LRRC37A2: variants seen among roughly 807,000 people sequenced by gnomAD.
The protein encoded by LRRC37A2 is leucine rich repeat containing 37 member A2, also known as leucine-rich repeat-containing protein 37A2.
In LRRC37A2, 9 loss-of-function variants were observed where a neutral mutation model predicts 68.8. The observed-to-expected ratio is 0.13, with a 90% CI of 0.08 to 0.23. The LOEUF (loss-of-function observed/expected upper bound fraction) is 0.23, where lower values mean the gene tolerates loss of function less well. LRRC37A2 is among the 10% of genes least tolerant of loss of function. The pLI, the probability that LRRC37A2 is intolerant of heterozygous loss-of-function variation, is 1.00. For synonymous variants in LRRC37A2, 63 were observed against 367.6 expected (o/e 0.17, Z 9.48); for missense variants, 168 against 950.4 (o/e 0.18, Z 10.82).
chr17:46,727,389 T>C, the LRRC37A2 span, among the ~76,000 whole-genome samples: 1 of 152,146 alleles, frequency 6.6e-6, no homozygotes, highest in East Asian at 1.9e-4. Context: ...GGTAATACAC[T>C]CTATTGAAAT....
At chr17:47,033,525 T>A in the LRRC37A2 span, 1 of 606,804 alleles carries the variant, frequency 1.6e-6, no homozygotes, top group East Asian at 2.7e-5. Context: ...CTTGGGATTC[T>A]AGCATAGATC....
chr17:46,937,971 G>A, the LRRC37A2 span: 5 of 157,374 alleles, frequency 3.2e-5, no homozygotes, highest in East Asian at 7.4e-4. Flanking sequence ...GGGCTCAAGT[G>A]GTTCTGTCAC....
the LRRC37A2 span, among the ~76,000 whole-genome samples, chr17:46,867,901 G>A: frequency 6.6e-6 from 1 of 152,112 alleles, no homozygotes; most frequent in South Asian, 2.1e-4. Flanking sequence ...GTGGAGGTGG[G>A]GGCTCTGGTT....
chr17:46,714,883 A>C, the LRRC37A2 span, among the ~76,000 whole-genome samples: 1 of 152,350 alleles, frequency 6.6e-6, no homozygotes. Flanking sequence ...TTGAGAATTG[A>C]AGTGCTCCCT....
chr17:46,526,381 A>G (rs2052758410), intron 6 of LRRC37A2, among the ~76,000 whole-genome samples: 1 of 100,394 alleles, frequency 1.0e-5, no homozygotes, highest in African/African-American at 4.0e-5. Flanking sequence ...ACAAGTTTAT[A>G]AAAAACAAAC....
the LRRC37A2 span, among the ~76,000 whole-genome samples, chr17:46,775,060 C>T: frequency 2.6e-5 from 4 of 152,178 alleles, no homozygotes; most frequent in African/African-American, 9.7e-5. Flanking sequence ...CGGGAGAAGA[C>T]CCCATGGGGC....
chr17:46,393,960 T>TA, the LRRC37A2 span, among the ~76,000 whole-genome samples: 1 of 22,374 alleles, frequency 4.5e-5, no homozygotes. Flanking sequence ...GAATGCAATT[T>TA]AGAGTCCAGA....
chr17:46,788,317 A>G, the LRRC37A2 span, among the ~76,000 whole-genome samples: 21 of 152,308 alleles, frequency 1.4e-4, no homozygotes, highest in African/African-American at 2.6e-4. Flanking sequence ...CCAAACCCTA[A>G]GTCAGTCTCC....
the LRRC37A2 span, among the ~76,000 whole-genome samples, chr17:46,779,053 T>TCTCACACACACACACACACA: frequency 5.0e-5 from 5 of 100,666 alleles, no homozygotes; most frequent in African/African-American, 1.3e-4. Flanking sequence ...CCCTACCCCA[T>TCTCACACACACACACACACA]CACACACACA....
At chr17:46,792,151 G>C in the LRRC37A2 span, among the ~76,000 whole-genome samples, 44 of 152,308 alleles carry the variant, frequency 2.9e-4, 1 homozygote, top group South Asian at 3.7e-3. Flanking sequence ...GACACAAAAG[G>C]CAAAATGTCA....
At chr17:47,037,740 C>T in the LRRC37A2 span, among the ~76,000 whole-genome samples, 1 of 152,188 alleles carries the variant, frequency 6.6e-6, no homozygotes, top group South Asian at 2.1e-4. Flanking sequence ...AGTGAGGCTG[C>T]CTGCTGGTCT....
chr17:47,000,063 T>TAAAATAAAATAAAA, the LRRC37A2 span, among the ~76,000 whole-genome samples: 5 of 17,734 alleles, frequency 2.8e-4, no homozygotes, highest in Admixed American at 9.2e-4. Context: ...TAAAATAAAA[T>TAAAATAAAATAAAA]TAAAATAAAA....
chr17:46,940,742 A>G, the LRRC37A2 span: 1 of 1,577,676 alleles, frequency 6.3e-7, no homozygotes, highest in Non-Finnish European at 8.6e-7. Context: ...ATGAACCCTC[A>G]TGCTGCACCT....
At chr17:46,792,190 C>T in the LRRC37A2 span, among the ~76,000 whole-genome samples, 3 of 152,216 alleles carry the variant, frequency 2.0e-5, no homozygotes, top group Non-Finnish European at 4.4e-5. Context: ...TAAGGTTCCC[C>T]CAGGAATCAC....
At chr17:46,732,338 C>T in the LRRC37A2 span, among the ~76,000 whole-genome samples, 1 of 152,176 alleles carries the variant, frequency 6.6e-6, no homozygotes, top group African/African-American at 2.4e-5. Context: ...ATTCTCTTTT[C>T]TCCTTCCACC....
At chr17:46,488,719 T>A in the LRRC37A2 span, among the ~76,000 whole-genome samples, 12 of 143,182 alleles carry the variant, frequency 8.4e-5, no homozygotes, top group East Asian at 6.1e-4. Flanking sequence ...AAAAAAAAAA[T>A]GTAACGCACT....
the LRRC37A2 span, among the ~76,000 whole-genome samples, chr17:46,792,577 G>A: frequency 1.4e-4 from 22 of 152,170 alleles, no homozygotes; most frequent in African/African-American, 4.6e-4. Flanking sequence ...AGGTTCAAGC[G>A]ATTCTCCTGC....
the LRRC37A2 span, among the ~76,000 whole-genome samples, chr17:47,047,963 T>G: frequency 4.6e-5 from 7 of 151,384 alleles, no homozygotes; most frequent in Non-Finnish European, 2.9e-5. Context: ...CCAGATAGCT[T>G]GAATACAGGT....
chr17:47,044,045 C>CAA, the LRRC37A2 span, among the ~76,000 whole-genome samples: 472 of 49,982 alleles, frequency 9.4e-3, 16 homozygotes, highest in East Asian at 0.071. Context: ...GACTCCATCT[C>CAA]AAAAAAAAAA....
Sources: gnomAD v4.1 joint callset for allele counts (sites outside exome capture counted in the v4.1 genomes callset) on GRCh38, gnomAD v4.1.1 for gene constraint, MANE v1.5 for transcripts, NCBI Gene and HGNC (gene_info 2026-07-23, HGNC 2026-07-21) for gene names.